The following BMP3 variants were observed in gnomAD, a reference collection of about 807,000 sequenced individuals.
BMP3 encodes bone morphogenetic protein 3 (osteogenic).
BMP3 carries 23 observed loss-of-function variants against 38.1 expected under a neutral mutation model. That is an observed-to-expected ratio of 0.60 (90% CI 0.43 to 0.86). BMP3 has a LOEUF of 0.86. Among genes scored for constraint, BMP3 ranks in the 40% least tolerant of loss-of-function variants. BMP3 has a pLI of 0.00. For synonymous variants in BMP3, 258 were observed against 225.7 expected (o/e 1.14, Z -1.28); for missense variants, 628 against 579.6 (o/e 1.08, Z -0.86).
Position 81,031,126 on chromosome 4 carries a change from C to A in BMP3, c.-159C>A. ...CGCTGGGTCAGCGCAGCAAGTGGGG[C>A]TGGCCGCTATCTCGCTGCACCCGGC... On this transcript the variant is annotated 5_prime_UTR_variant, in exon 1 of 3. In the 5' UTR this introduces an upstream ATG that the reference lacks. Coordinates refer to ENST00000282701, the MANE Select transcript of BMP3 (RefSeq NM_001201.5). 2 of 746,122 alleles carry A rather than the reference C, an allele frequency of 2.7e-6. No homozygotes were observed. The highest frequency in any genetic ancestry group is 4.2e-6 in the Non-Finnish European group (2 of 475,812). The allele number at this position is 746,122 out of a possible 1,614,324, so 46.2% of individuals were successfully genotyped here. A position where few individuals can be genotyped will look rare whatever the true frequency, so the allele number is the denominator to read the frequency against.
rs1464159273 is a variant in BMP3, at chr4:81,055,544, G to A, written c.*2008G>A. The A allele has an allele frequency of 6.6e-6, 1 of 152,172 alleles. No homozygotes were observed. Among genetic ancestry groups the A allele is most frequent in the Non-Finnish European group, 1.5e-5 (1 of 68,022 alleles). The allele number at this position is 152,172 out of a possible 1,614,324, so 9.4% of individuals were successfully genotyped here. A position where few individuals can be genotyped will look rare whatever the true frequency, so the allele number is the denominator to read the frequency against. ...TTGAAAATAAAAGTATATGATAGAA[G>A]GGGGCCAGAGTGTGGCCACCATCCT... On this transcript the variant is annotated 3_prime_UTR_variant, in exon 3 of 3. Transcript: ENST00000282701.
chr4:81,049,358 C>T (rs1229189713), intron 2 of BMP3, among the ~76,000 whole-genome samples: 1 of 152,120 alleles, frequency 6.6e-6, no homozygotes, highest in African/African-American at 2.4e-5. Flanking sequence ...ATTCAACCGC[C>T]CGTGAGCTCT....
At position 81,055,824 on chromosome 4, in the gene BMP3, T is replaced by G. The variant is rs890699029; in HGVS notation, c.*2288T>G. On this transcript the variant is annotated 3_prime_UTR_variant, in exon 3 of 3. Coordinates refer to ENST00000282701, the MANE Select transcript of BMP3 (RefSeq NM_001201.5). ...ATTTACAGGTACTAACTAGTTAAGA[T>G]TATATTTTAAGTAGCAATTGATATA... 1.4e-4 allele frequency: 21 copies of G among 152,228 alleles called. No individual in the cohort carries two copies. The highest frequency in any genetic ancestry group is 4.6e-4 in the African/African-American group (19 of 41,558). The allele number at this position is 152,228 out of a possible 1,614,324, so 9.4% of individuals were successfully genotyped here.
rs1270973941 is a variant in BMP3 at position 81,046,466 on chromosome 4, C to A, written c.1045C>A (p.Leu349Ile). ...RKGPHRKSQT[L>I]QFDEQTLKKA... is the part of the protein sequence containing the mutation. ...GGGGCCTCATCGGAAGAGCCAGACGCTCCAATTTGATGAGCAGACCCTGAA... is the reference window on the plus strand; with the variant it reads ...GGGGCCTCATCGGAAGAGCCAGACGATCCAATTTGATGAGCAGACCCTGAA... Residue 349 changes from leucine to isoleucine, a missense_variant, in exon 2 of 3, where the codon CTC becomes ATC. Transcript: ENST00000282701. The A allele has an allele frequency of 6.2e-7, 1 of 1,613,878 alleles. No homozygotes were observed. The highest frequency in any genetic ancestry group is 8.5e-7 in the Non-Finnish European group (1 of 1,179,986).
At position 81,055,372 on chromosome 4, in the gene BMP3, A is replaced by G. The variant is rs187279157; in HGVS notation, c.*1836A>G. On this transcript the variant is annotated 3_prime_UTR_variant, in exon 3 of 3. Transcript: ENST00000282701. ...GGTGTGGGTGTGTGTTAATTCTGTG[A>G]GTGAGACACACCAGTTCTAAAAAAA... The G allele has an allele frequency of 4.6e-5, 7 of 152,296 alleles. No homozygotes were observed. The East Asian group carries it at 1.2e-3, about 25-fold the overall frequency. 9.4% of individuals were successfully genotyped at this position (152,296 alleles called of 1,614,324 possible).
At chr4:81,049,675 A>G (rs1340802086) in intron 2 of BMP3, among the ~76,000 whole-genome samples, 1 of 152,188 alleles carries the variant, frequency 6.6e-6, no homozygotes, top group Non-Finnish European at 1.5e-5. Context: ...ACGGTGACCA[A>G]AAAGATGGGA....
intron 1 of BMP3, among the ~76,000 whole-genome samples, chr4:81,042,572 A>G (rs1740109563): frequency 6.6e-6 from 1 of 152,238 alleles, no homozygotes; most frequent in Admixed American, 6.5e-5. Flanking sequence ...AGACTTTTAC[A>G]AAACGATGTT....
intron 1 of BMP3, among the ~76,000 whole-genome samples, chr4:81,034,835 A>G (rs1739876804): frequency 1.3e-5 from 2 of 152,150 alleles, no homozygotes; most frequent in African/African-American, 4.8e-5. Flanking sequence ...TAAGGCTAAA[A>G]TATAAGGCTT....
intron 2 of BMP3, among the ~76,000 whole-genome samples, chr4:81,049,273 G>A (rs1314549712): frequency 6.6e-6 from 1 of 152,158 alleles, no homozygotes; most frequent in Non-Finnish European, 1.5e-5. Flanking sequence ...AAGTTGTAAG[G>A]CAGGAAAATG....
intron 1 of BMP3, among the ~76,000 whole-genome samples, chr4:81,043,745 C>T (rs935490074): frequency 1.3e-5 from 2 of 151,836 alleles, no homozygotes; most frequent in African/African-American, 2.4e-5. Flanking sequence ...GTGCCACTAC[C>T]GCCTTGCTAA....
chr4:81,050,498 C>T (rs1162540346), intron 2 of BMP3, among the ~76,000 whole-genome samples: 2 of 151,420 alleles, frequency 1.3e-5, no homozygotes, highest in Non-Finnish European at 2.9e-5. Flanking sequence ...TGACAAAGAT[C>T]CAAGAGAAGT....
In BMP3 at chr4:81,053,486, G is replaced by C; in HGVS notation, c.1369G>C (p.Val457Leu). ...ILFFDENKNV[V>L]LKVYPNMTVE... ...ATTCTTTGATGAAAATAAGAATGTA[G>C]TGCTTAAAGTATACCCTAACATGAC... is the stretch of plus-strand genomic sequence containing the variant. Residue 457 changes from valine to leucine, a missense_variant, in exon 3 of 3, where the codon GTG becomes CTG. By Grantham distance (32) the Val-to-Leu change is conservative. Coordinates refer to ENST00000282701, the MANE Select transcript of BMP3 (RefSeq NM_001201.5). The C allele has an allele frequency of 6.2e-7, 1 of 1,605,740 alleles. No homozygotes were observed. Among genetic ancestry groups the C allele is most frequent in the Non-Finnish European group, 8.5e-7 (1 of 1,176,526 alleles).
At chr4:81,036,772 A>G (rs1739935475) in intron 1 of BMP3, among the ~76,000 whole-genome samples, 1 of 152,062 alleles carries the variant, frequency 6.6e-6, no homozygotes, top group African/African-American at 2.4e-5. Context: ...CATATATGGA[A>G]TATATGTAAC....
In BMP3 at chr4:81,056,342, T is replaced by C. The variant is rs988453214; in HGVS notation, c.*2806T>C. 6.6e-6 allele frequency: 1 copy of C among 151,826 alleles called. No individual in the cohort carries two copies. The highest frequency in any genetic ancestry group is 1.5e-5 in the Non-Finnish European group (1 of 68,004). 9.4% of individuals were successfully genotyped at this position (151,826 alleles called of 1,614,324 possible). A position where few individuals can be genotyped will look rare whatever the true frequency, so the allele number is the denominator to read the frequency against. On this transcript the variant is annotated 3_prime_UTR_variant, in exon 3 of 3. Transcript: ENST00000282701. ...AGTTACTGAAAAAAATAATTCTTTT[T>C]CTTTTTTTTTTTAAATGGAGTTTCA...
intron 1 of BMP3, among the ~76,000 whole-genome samples, chr4:81,040,756 A>C (rs970599428): frequency 4.6e-5 from 7 of 152,210 alleles, no homozygotes; most frequent in African/African-American, 1.7e-4. Context: ...ATGCAATTCC[A>C]GATATATTTA....
rs1358403946 is a variant in BMP3, at chr4:81,057,625, G to T, written c.*4089G>T. 6.6e-6 allele frequency: 1 copy of T among 152,022 alleles called. No homozygotes were observed. Among genetic ancestry groups the T allele is most frequent in the Non-Finnish European group, 1.5e-5 (1 of 67,956 alleles). 9.4% of individuals were successfully genotyped at this position (152,022 alleles called of 1,614,324 possible). ...GGTAATAAAGCTTAAGCATAGAGTT[G>T]AACATTTTCAAATGGTATTCTAAAT... On this transcript the variant is annotated 3_prime_UTR_variant, in exon 3 of 3. Coordinates refer to ENST00000282701, the MANE Select transcript of BMP3 (RefSeq NM_001201.5).
At position 81,054,559 on chromosome 4, in the gene BMP3, T is replaced by C. The variant is rs1006917690; in HGVS notation, c.*1023T>C. On this transcript the variant is annotated 3_prime_UTR_variant, in exon 3 of 3. Transcript: ENST00000282701. ...ATTGAAGATCTTCTTAAATGACCAA[T>C]TTAACCATAACCAAATATTGAATAT... 6 of 152,210 alleles carry C rather than the reference T, an allele frequency of 3.9e-5. No individual in the cohort carries two copies. Among genetic ancestry groups the C allele is most frequent in the African/African-American group, 1.4e-4 (6 of 41,456 alleles). 9.4% of individuals were successfully genotyped at this position (152,210 alleles called of 1,614,324 possible).
intron 1 of BMP3, among the ~76,000 whole-genome samples, chr4:81,041,580 T>A (rs1035718998): frequency 1.3e-5 from 2 of 152,194 alleles, no homozygotes; most frequent in African/African-American, 2.4e-5. Flanking sequence ...TTGGTTAGCC[T>A]TCAGATTGGC....
chr4:81,036,817 CA>C (rs548331646), intron 1 of BMP3, among the ~76,000 whole-genome samples: 2 of 151,918 alleles, frequency 1.3e-5, no homozygotes, highest in Non-Finnish European at 2.9e-5. Context: ...TACATGTTAG[CA>C]GTGGTTGTGT....
Sources: allele counts gnomAD v4.1 joint callset (sites outside exome capture counted in the v4.1 genomes callset), GRCh38; gene constraint gnomAD v4.1.1; transcripts MANE v1.5; gene names NCBI Gene and HGNC (gene_info 2026-07-23, HGNC 2026-07-21).